Variants in TRMU observed in about 807,000 individuals in gnomAD.
The protein encoded by TRMU is tRNA mitochondrial 2-thiouridylase.
TRMU carries 49 observed loss-of-function variants against 46.9 expected under a neutral mutation model. That is an observed-to-expected ratio of 1.05 (90% confidence interval 0.83 to 1.33). The LOEUF (loss-of-function observed/expected upper bound fraction) is 1.33. Among genes scored for constraint, TRMU ranks in the 40% most tolerant of loss-of-function variants. TRMU has a pLI of 0.00. For synonymous variants in TRMU, 241 were observed against 200.9 expected (o/e 1.20, Z -1.69); for missense variants, 572 against 532.4 (o/e 1.07, Z -0.73).
intron 4 of TRMU, among the ~76,000 whole-genome samples, chr22:46,346,788 G>C (rs1425739888): frequency 6.6e-6 from 1 of 152,258 alleles, no homozygotes; most frequent in Non-Finnish European, 1.5e-5. Context: ...AGTGACATCA[G>C]ATACTGATAA....
At chr22:46,356,156 T>G in intron 10 of TRMU, 84 bp downstream of exon 10, 1 of 1,513,344 alleles carries the variant, frequency 6.6e-7, no homozygotes. Context: ...AGGAAGGGGC[T>G]GAGGCCCAGG....
chr22:46,337,794 G>C lies in TRMU; in HGVS notation c.98G>C (p.Gly33Ala), dbSNP rs2078017116. 6 of 1,614,080 alleles carry C rather than the reference G, an allele frequency of 3.7e-6. No individual in the cohort carries two copies. The South Asian group carries it at 5.5e-5, about 15-fold the overall frequency. ...LLRRRGYQVTGVFMKNWDSLD... is the reference protein window; with the variant it reads ...LLRRRGYQVTAVFMKNWDSLD... The stretch of plus-strand genomic sequence containing the variant: ...CCGCCCGCAGGTTACCAGGTGACAG[G>C]GGTGTTTATGAAGAACTGGGACTCA... Residue 33 changes from glycine to alanine, a missense_variant, in exon 2 of 11, where the codon GGG becomes GCG. Gly to Ala is a moderately conservative substitution (Grantham distance 60). Transcript: ENST00000645190.
Position 46,336,010 on chromosome 22 carries a change from C to T in TRMU, c.82+164C>T. On this transcript the variant is annotated intron_variant, in intron 1 of 10. Coordinates refer to ENST00000645190, the MANE Select transcript of TRMU (RefSeq NM_018006.5). This position sits in a 1 kb window ranked among gnomAD's most constrained non-coding sequence, Gnocchi z 4.1. ...CTCTGACTTTGGTTCGGAGGCTCCT[C>T]GCCCTCCACCTGTGTAGTCGGAGGT... 1 of 1,445,030 alleles carries T rather than the reference C, an allele frequency of 6.9e-7. No individual in the cohort carries two copies. The allele number at this position is 1,445,030 out of a possible 1,614,324, so 89.5% of individuals were successfully genotyped here.
At chr22:46,340,933 A>G (rs73177075) in intron 2 of TRMU, among the ~76,000 whole-genome samples, 1,706 of 152,346 alleles carry the variant, frequency 0.011, 15 homozygotes, top group Non-Finnish European at 0.019. Flanking sequence ...CTCGCCCAGT[A>G]CCAGCTGCCC....
At chr22:46,345,539 C>T (rs537499746) in intron 3 of TRMU, among the ~76,000 whole-genome samples, 9 of 152,208 alleles carry the variant, frequency 5.9e-5, no homozygotes, top group East Asian at 3.9e-4. Flanking sequence ...AGAGGAGAAA[C>T]GACACCTATA....
At position 46,346,879 on chromosome 22, in the gene TRMU, G is replaced by C. The variant is rs576642926; in HGVS notation, c.478+335G>C. Among the ~76,000 whole-genome samples the C allele has an allele frequency of 2.6e-5, 4 of 152,376 alleles. No homozygotes were observed. In the South Asian group the frequency reaches 8.3e-4, roughly 32 times the overall value. On this transcript the variant is annotated intron_variant, in intron 4 of 10. Coordinates refer to ENST00000645190, the MANE Select transcript of TRMU (RefSeq NM_018006.5). ...ATTTGACAGTGATAATTGGGGTGCT[G>C]TCAGTCTAGCCAAGGACCTGTACTT...
chr22:46,354,301 C>A (rs1290485530), intron 8 of TRMU: 2 of 226,630 alleles, frequency 8.8e-6, no homozygotes, highest in Non-Finnish European at 1.8e-5. Flanking sequence ...GGGGACCTTA[C>A]CACTGTGACC....
chr22:46,335,933 C>T (rs2077962341), intron 1 of TRMU, 87 bp downstream of exon 1: 1 of 1,510,530 alleles, frequency 6.6e-7, no homozygotes, highest in Non-Finnish European at 8.8e-7. Context: ...TGCACGTCTC[C>T]TCCCTCCCTG....
chr22:46,356,384 A>AG (rs1362820983), intron 10 of TRMU: 4 of 460,646 alleles, frequency 8.7e-6, no homozygotes, highest in Non-Finnish European at 1.6e-5. Context: ...AAAGAGGCAG[A>AG]GGGTCGGGGC....
Position 46,357,292 on chromosome 22 carries a change from G to T in TRMU, c.*286G>T. 1.9e-6 allele frequency: 1 copy of T among 540,014 alleles called. No individual in the cohort carries two copies. The highest frequency in any genetic ancestry group is 2.0e-5 in the South Asian group (1 of 49,670). The allele number at this position is 540,014 out of a possible 1,614,324, so 33.5% of individuals were successfully genotyped here. On this transcript the variant is annotated 3_prime_UTR_variant, in exon 11 of 11. Transcript: ENST00000645190. ...ACCTCAGAGTACACCGAGGGGACCT[G>T]CAGAGGGGGCTGTCGGGACAGCGTG...
In TRMU at chr22:46,355,984, ACCCAGTG is replaced by A; in HGVS notation, c.1019-2_1023del. 2 of 1,613,730 alleles carry A rather than the reference ACCCAGTG, an allele frequency of 1.2e-6. No individual in the cohort carries two copies. The highest frequency in any genetic ancestry group is 1.7e-6 in the Non-Finnish European group (2 of 1,179,906). On this transcript the variant is annotated splice_acceptor_variant and splice_polypyrimidine_tract_variant and coding_sequence_variant and intron_variant, in exon 10 of 11. Transcript: ENST00000645190. LOFTEE classifies it high-confidence loss of function. ...CCCCCTCCAAGGGCCCCTCTCTTCT[ACCCAGTG>A]CCCTGTGTGCTGACCCTCAATCAAG...
intron 7 of TRMU, chr22:46,352,718 T>G (rs1162883734): frequency 2.8e-6 from 1 of 353,578 alleles, no homozygotes; most frequent in East Asian, 7.2e-5. Context: ...TGTGAATGAT[T>G]AAGGACCACA....
At position 46,356,181 on chromosome 22, in the gene TRMU, G is replaced by A. The variant is rs926664487; in HGVS notation, c.1101+109G>A. 45 of 1,262,620 alleles carry A rather than the reference G, an allele frequency of 3.6e-5. No individual in the cohort carries two copies. The African/African-American group carries it at 4.8e-4, about 14-fold the overall frequency. 78.2% of individuals were successfully genotyped at this position (1,262,620 alleles called of 1,614,324 possible). A position where few individuals can be genotyped will look rare whatever the true frequency, so the allele number is the denominator to read the frequency against. ...TGAGGCCCAGGAGTAGGGTGTGCTC[G>A]GGTCACACAGCTGGTGAGGGCAGAG... On this transcript the variant is annotated intron_variant, in intron 10 of 10. Transcript: ENST00000645190.
chr22:46,353,794 G>A lies in TRMU; in HGVS notation c.800G>A (p.Arg267Lys). Residue 267 changes from arginine to lysine, a missense_variant, in exon 8 of 11, where the codon AGA becomes AAA. Transcript: ENST00000645190. Reference protein sequence around the residue: ...KGWFLYTLGQRANIGGLREPW... With the variant: ...KGWFLYTLGQKANIGGLREPW... ...TGGTTCCTGTATACCTTGGGCCAGA[G>A]AGCAAACATAGGTGGCCTGAGAGAG... The A allele has an allele frequency of 1.2e-6, 2 of 1,613,940 alleles. No individual in the cohort carries two copies. The highest frequency in any genetic ancestry group is 8.5e-7 in the Non-Finnish European group (1 of 1,179,870).
chr22:46,352,230 G>A (rs2078452104), intron 6 of TRMU, 34 bp from the exon 7 acceptor site: 1 of 1,614,078 alleles, frequency 6.2e-7, no homozygotes, highest in Admixed American at 1.7e-5. Flanking sequence ...CCTGGGCCTA[G>A]ATCTCCGTCG....
rs1453766076 is a variant in TRMU at position 46,351,330 on chromosome 22, GA to G, written c.652-790del. 6.6e-6 allele frequency among the ~76,000 whole-genome samples: 1 copy of G among 152,208 alleles called. No individual in the cohort carries two copies. Among genetic ancestry groups the G allele is most frequent in the Non-Finnish European group, 1.5e-5 (1 of 68,034 alleles). On this transcript the variant is annotated intron_variant, in intron 5 of 10. Coordinates refer to ENST00000645190, the MANE Select transcript of TRMU (RefSeq NM_018006.5). This position sits in a 1 kb window ranked among gnomAD's most constrained non-coding sequence, Gnocchi z 6.4. ...CACAGCGAAACTCGTCTCAAAAAGA[GA>G]GAACCCGGAGTGTTGGCGGAACTAG...
Position 46,339,846 on chromosome 22 carries a change from C to T in TRMU, c.248+1902C>T, listed in dbSNP as rs2078074935. Among the ~76,000 whole-genome samples the T allele has an allele frequency of 1.3e-5, 2 of 151,608 alleles. No individual in the cohort carries two copies. Among genetic ancestry groups the T allele is most frequent in the South Asian group, 2.1e-4 (1 of 4,820 alleles). On this transcript the variant is annotated intron_variant, in intron 2 of 10. Transcript: ENST00000645190. The surrounding 1 kb of genome is among the most constrained non-coding windows in gnomAD (Gnocchi z 4.8). ...GGCTGAATTTTCCTGGGGAAAGTTA[C>T]CTGTAGAATGCATGATAAATGCATT...
chr22:46,337,230 G>A (rs2078002427), intron 1 of TRMU, among the ~76,000 whole-genome samples: 1 of 152,166 alleles, frequency 6.6e-6, no homozygotes, highest in Non-Finnish European at 1.5e-5. Context: ...CTGCACCTGT[G>A]TAGTTTGCTA....
At chr22:46,337,754 C>G in intron 1 of TRMU, 25 bp from the exon 2 acceptor site, 1 of 1,614,058 alleles carries the variant, frequency 6.2e-7, no homozygotes, top group Non-Finnish European at 8.5e-7. Context: ...TATGTATTCT[C>G]TTTAATTGAC....
Sources: allele counts gnomAD v4.1 joint callset (sites outside exome capture counted in the v4.1 genomes callset), GRCh38; gene constraint gnomAD v4.1.1; non-coding constraint Gnocchi (gnomAD v3.1); transcripts MANE v1.5; gene names NCBI Gene and HGNC (gene_info 2026-07-23, HGNC 2026-07-21).